The following XKR6 variants were observed in gnomAD, a reference collection of about 807,000 sequenced individuals.
XKR6 encodes the protein XK related 6, also known as XK-related protein 6.
XKR6 carries 22 observed loss-of-function variants against 56.7 expected under a neutral mutation model. The ratio of observed to expected loss-of-function variants is 0.39; its 90% CI spans 0.28 to 0.55. XKR6 has a LOEUF of 0.55. XKR6 is among the 20% of genes least tolerant of loss of function. The pLI is 0.66. For synonymous variants in XKR6, 524 were observed against 387.8 expected (o/e 1.35, Z -4.13); for missense variants, 852 against 889.0 (o/e 0.96, Z 0.53).
rs192482844 is a variant in XKR6 at position 10,926,665 on chromosome 8, G to C, written c.765-1835C>G. ...TCTTGGGGTCCCTGGCCCACCTTGC[G>C]GGTCAGGTCTGGTTATCACCATTCA... On this transcript the variant is annotated intron_variant, in intron 1 of 2. Transcript: ENST00000416569. Among the ~76,000 whole-genome samples the C allele has an allele frequency of 2.8e-3, 420 of 152,338 alleles. 3 individuals carry two copies. The highest frequency in any genetic ancestry group is 9.8e-3 in the African/African-American group (406 of 41,558).
At chr8:11,020,902 G>T (rs1798735172) in intron 1 of XKR6, among the ~76,000 whole-genome samples, 1 of 152,172 alleles carries the variant, frequency 6.6e-6, no homozygotes, top group South Asian at 2.1e-4. Context: ...GTGATGATCA[G>T]AGAGTCAGTA....
chr8:11,012,315 T>C lies in XKR6; in HGVS notation c.765-87485A>G, dbSNP rs137940727. Among the ~76,000 whole-genome samples the C allele has an allele frequency of 4.7e-3, 714 of 152,342 alleles. 2 individuals carry two copies. Among genetic ancestry groups the C allele is most frequent in the African/African-American group, 0.017 (694 of 41,578 alleles). On this transcript the variant is annotated intron_variant, in intron 1 of 2. Transcript: ENST00000416569. Reference sequence around the variant, plus strand: ...TGCAGATAAATTTAACCTGGCAAGTTACCTAACCTTTCTGGCTCTCCATTT... The same window carrying C: ...TGCAGATAAATTTAACCTGGCAAGTCACCTAACCTTTCTGGCTCTCCATTT...
Position 11,148,523 on chromosome 8 carries a change from T to C in XKR6, c.764+52053A>G, listed in dbSNP as rs144008891. ...TTGTGGTTGTTTGTTATGGCTGTGC[T>C]AGCAAACAAACACAGAAAGGATATG... On this transcript the variant is annotated intron_variant, in intron 1 of 2. Coordinates refer to ENST00000416569, the MANE Select transcript of XKR6 (RefSeq NM_173683.4). Among the ~76,000 whole-genome samples, 155 of 152,354 alleles carry C rather than the reference T, an allele frequency of 1.0e-3. 4 individuals carry two copies. The East Asian group carries it at 0.024, about 24-fold the overall frequency.
At chr8:11,107,061 T>C (rs1798706014) in intron 1 of XKR6, among the ~76,000 whole-genome samples, 1 of 151,806 alleles carries the variant, frequency 6.6e-6, no homozygotes, top group Non-Finnish European at 1.5e-5. Flanking sequence ...GGAAAGAAGA[T>C]GGAACAAACT....
At chr8:11,128,473 C>G (rs1799938401) in intron 1 of XKR6, among the ~76,000 whole-genome samples, 1 of 152,206 alleles carries the variant, frequency 6.6e-6, no homozygotes, top group Non-Finnish European at 1.5e-5. Flanking sequence ...CAGGTATATG[C>G]ATATTTAAAA....
chr8:11,079,561 A>G (rs1342574380), intron 1 of XKR6, among the ~76,000 whole-genome samples: 2 of 152,254 alleles, frequency 1.3e-5, no homozygotes, highest in African/African-American at 4.8e-5. Flanking sequence ...TGGAAGGGGA[A>G]AAAGGAAATG....
In XKR6 at chr8:11,096,219, C is replaced by T. The variant is rs1586538741; in HGVS notation, c.764+104357G>A. Among the ~76,000 whole-genome samples, 4 of 152,188 alleles carry T rather than the reference C, an allele frequency of 2.6e-5. No homozygotes were observed. In the South Asian group the frequency reaches 6.2e-4, roughly 24 times the overall value. On this transcript the variant is annotated intron_variant, in intron 1 of 2. Transcript: ENST00000416569. ...TATACAAAGATTCAGTACAAGGATA[C>T]TTCCTTGCAGCATAACCTATTACAT...
intron 1 of XKR6, among the ~76,000 whole-genome samples, chr8:11,019,657 C>T (rs866341140): frequency 2.6e-5 from 4 of 152,182 alleles, no homozygotes; most frequent in Admixed American, 6.5e-5. Flanking sequence ...TGGCTCTGAC[C>T]GCCAAGACAT....
intron 1 of XKR6, among the ~76,000 whole-genome samples, chr8:11,049,581 G>C (rs990805481): frequency 3.3e-5 from 5 of 152,196 alleles, no homozygotes; most frequent in African/African-American, 1.2e-4. Context: ...AGAGGGAAAT[G>C]GATCAAGGCC....
intron 1 of XKR6, among the ~76,000 whole-genome samples, chr8:10,978,984 GCCCAGA>G (rs1273524500): frequency 6.6e-6 from 1 of 152,072 alleles, no homozygotes; most frequent in Non-Finnish European, 1.5e-5. Context: ...CTGCTGCCAT[GCCCAGA>G]CCCATCTGTC....
At chr8:11,047,349 T>A (rs539823999) in intron 1 of XKR6, among the ~76,000 whole-genome samples, 2 of 152,170 alleles carry the variant, frequency 1.3e-5, no homozygotes, top group Non-Finnish European at 2.9e-5. Flanking sequence ...ACAAAAGATA[T>A]GTTAAGAATA....
chr8:11,018,420 G>A (rs62490737), intron 1 of XKR6, among the ~76,000 whole-genome samples: 2,989 of 152,278 alleles, frequency 0.02, 59 homozygotes, highest in South Asian at 0.052. Flanking sequence ...GGAAGGGAGC[G>A]ATGGCAAGAG....
At chr8:10,922,635 G>A (rs533257788) in intron 2 of XKR6, among the ~76,000 whole-genome samples, 11 of 152,144 alleles carry the variant, frequency 7.2e-5, no homozygotes, top group East Asian at 1.9e-4. Context: ...TTTTCTCAGC[G>A]ATCCTGTGAG....
chr8:10,943,924 A>G (rs1801459130), intron 1 of XKR6, among the ~76,000 whole-genome samples: 1 of 152,114 alleles, frequency 6.6e-6, no homozygotes. Flanking sequence ...TGGCCCTGCT[A>G]AAGCCAGGCG....
intron 2 of XKR6, among the ~76,000 whole-genome samples, chr8:10,916,816 T>C (rs533941650): frequency 1.3e-5 from 2 of 152,386 alleles, no homozygotes; most frequent in East Asian, 3.9e-4. Flanking sequence ...CTGAGTTGTT[T>C]GGACGCAGTC....
At chr8:11,148,700 C>T (rs1473633416) in intron 1 of XKR6, among the ~76,000 whole-genome samples, 1 of 152,194 alleles carries the variant, frequency 6.6e-6, no homozygotes, top group Admixed American at 6.5e-5. Flanking sequence ...GAAATAAAAA[C>T]ATGTCCACAC....
chr8:11,147,761 T>G (rs1801063781), intron 1 of XKR6, among the ~76,000 whole-genome samples: 1 of 151,860 alleles, frequency 6.6e-6, no homozygotes, highest in South Asian at 2.1e-4. Flanking sequence ...ATTACACACC[T>G]AATAGAAAGG....
chr8:11,051,233 G>A (rs1343468514), intron 1 of XKR6, among the ~76,000 whole-genome samples: 2 of 151,662 alleles, frequency 1.3e-5, no homozygotes, highest in Non-Finnish European at 2.9e-5. Context: ...CTAGCTCACT[G>A]GCCCCCGATC....
rs1799882306 is a variant in XKR6, at chr8:10,896,391, G to C, written c.*1561C>G. 1 of 152,460 alleles carries C rather than the reference G, an allele frequency of 6.6e-6. No homozygotes were observed. The highest frequency in any genetic ancestry group is 6.6e-5 in the Admixed American group (1 of 15,256). 9.4% of individuals were successfully genotyped at this position (152,460 alleles called of 1,614,324 possible). Reference sequence around the variant, plus strand: ...GTGTGAGTCTTGCCACCCAAACCAGGGCTCGTGGGCAGGCAGCATCACTTC... The same window carrying C: ...GTGTGAGTCTTGCCACCCAAACCAGCGCTCGTGGGCAGGCAGCATCACTTC... On this transcript the variant is annotated 3_prime_UTR_variant, in exon 3 of 3. Coordinates refer to ENST00000416569, the MANE Select transcript of XKR6 (RefSeq NM_173683.4).
Sources: gnomAD v4.1 joint callset for allele counts (sites outside exome capture counted in the v4.1 genomes callset) on GRCh38, gnomAD v4.1.1 for gene constraint, MANE v1.5 for transcripts, NCBI Gene and HGNC (gene_info 2026-07-23, HGNC 2026-07-21) for gene names.